CRYBG1: variants seen among roughly 807,000 people sequenced by gnomAD.
CRYBG1 encodes the protein crystallin beta-gamma domain containing 1, also known as beta/gamma crystallin domain-containing protein 1.
A neutral mutation model predicts 189.2 loss-of-function variants in CRYBG1; 139 were observed. The ratio of observed to expected loss-of-function variants is 0.73; its 90% CI spans 0.64 to 0.85. CRYBG1 has a LOEUF of 0.85. Ranked by LOEUF, CRYBG1 falls within the 40% of genes least tolerant of loss-of-function variation. The pLI, the probability that CRYBG1 is intolerant of heterozygous loss-of-function variation, is 0.00. For synonymous variants in CRYBG1, 1,023 were observed against 1,017.1 expected (o/e 1.01, Z -0.11); for missense variants, 2,611 against 2,675.8 (o/e 0.98, Z 0.53).
At chr6:106,408,902 C>T (rs1392531895) in intron 1 of CRYBG1, among the ~76,000 whole-genome samples, 1 of 152,044 alleles carries the variant, frequency 6.6e-6, no homozygotes, top group Admixed American at 6.5e-5. Context: ...TATGACAAAC[C>T]CACAGCCAGT....
chr6:106,565,128 G>C (rs1396102930), intron 21 of CRYBG1, among the ~76,000 whole-genome samples: 2 of 152,010 alleles, frequency 1.3e-5, no homozygotes, highest in African/African-American at 4.8e-5. Flanking sequence ...GACCATCCTG[G>C]CTAACATGGT....
chr6:106,426,884 C>T (rs1771236488), intron 1 of CRYBG1, among the ~76,000 whole-genome samples: 1 of 152,192 alleles, frequency 6.6e-6, no homozygotes, highest in South Asian at 2.1e-4. Context: ...AAGGGGCTGT[C>T]ATTTACTTCC....
intron 2 of CRYBG1, among the ~76,000 whole-genome samples, chr6:106,463,403 G>T (rs950689659): frequency 6.6e-6 from 1 of 152,180 alleles, no homozygotes; most frequent in Non-Finnish European, 1.5e-5. Context: ...CTATTGGATG[G>T]AATGTGTAGA....
intron 2 of CRYBG1, among the ~76,000 whole-genome samples, chr6:106,510,801 T>G (rs1019360446): frequency 8.5e-5 from 13 of 152,246 alleles, no homozygotes; most frequent in African/African-American, 3.1e-4. Flanking sequence ...CTCGGGTGTT[T>G]GAACGCTCGC....
intron 1 of CRYBG1, among the ~76,000 whole-genome samples, chr6:106,385,704 T>G (rs1407468531): frequency 2.0e-5 from 3 of 152,228 alleles, no homozygotes; most frequent in Non-Finnish European, 4.4e-5. Context: ...TCATTAATCC[T>G]CTCTAACAAT....
In CRYBG1 at chr6:106,568,469, TA is replaced by T. The variant is rs1562124164; in HGVS notation, c.6302-2del. On this transcript the variant is annotated splice_acceptor_variant, in intron 21 of 21. Coordinates refer to ENST00000633556, the MANE Select transcript of CRYBG1 (RefSeq NM_001371242.2). LOFTEE classifies it high-confidence loss of function. ...CATCTTTTATTATTTTCCTTTCTTTTAGGGGGCACACAGTATGATCAAAATC... is the reference window on the plus strand; with the variant it reads ...CATCTTTTATTATTTTCCTTTCTTTTGGGGGCACACAGTATGATCAAAATC... 1 of 1,610,564 alleles carries T rather than the reference TA, an allele frequency of 6.2e-7. No homozygotes were observed. Among genetic ancestry groups the T allele is most frequent in the Non-Finnish European group, 8.5e-7 (1 of 1,176,856 alleles).
chr6:106,448,662 G>C (rs1009154683), intron 1 of CRYBG1, among the ~76,000 whole-genome samples: 3 of 152,216 alleles, frequency 2.0e-5, no homozygotes, highest in African/African-American at 7.2e-5. Context: ...TGTAGCAAGT[G>C]TGGGGAACAT....
chr6:106,561,375 A>G lies in CRYBG1; in HGVS notation c.6013A>G (p.Thr2005Ala). The stretch of plus-strand genomic sequence containing the variant: ...TTATTTCAGACTTCGAAACAAAGCA[A>G]CAGGGTTATTCATGTCAACCAATGG... ...RIYFRLRNKA[T>A]GLFMSTNGNL... The change falls in exon 20 of 22, where the codon ACA becomes GCA. Residue 2005 changes from threonine to alanine, a missense_variant. Physicochemically the swap from Thr to Ala is moderately conservative, Grantham distance 58. Transcript: ENST00000633556. 2 of 1,614,120 alleles carry G rather than the reference A, an allele frequency of 1.2e-6. No homozygotes were observed. Among genetic ancestry groups the G allele is most frequent in the Non-Finnish European group, 1.7e-6 (2 of 1,179,976 alleles).
chr6:106,394,235 C>T (rs1409871553), intron 1 of CRYBG1, among the ~76,000 whole-genome samples: 1 of 152,154 alleles, frequency 6.6e-6, no homozygotes, highest in Non-Finnish European at 1.5e-5. Flanking sequence ...TCCTTGTCCT[C>T]TTTACCCTTA....
chr6:106,385,486 C>T (rs1770367863), intron 1 of CRYBG1, among the ~76,000 whole-genome samples: 1 of 152,208 alleles, frequency 6.6e-6, no homozygotes, highest in Non-Finnish European at 1.5e-5. Flanking sequence ...CATGCATATA[C>T]TGACACAAAA....
chr6:106,446,525 T>G (rs548623636), intron 1 of CRYBG1, among the ~76,000 whole-genome samples: 2 of 152,356 alleles, frequency 1.3e-5, no homozygotes, highest in South Asian at 4.1e-4. Context: ...AAACCTAAAC[T>G]TTTATGCTAC....
chr6:106,464,707 A>G (rs994297139), intron 2 of CRYBG1, among the ~76,000 whole-genome samples: 1 of 152,244 alleles, frequency 6.6e-6, no homozygotes, highest in South Asian at 2.1e-4. Flanking sequence ...CATTAAAACC[A>G]GTGCAGAGGA....
At chr6:106,461,336 T>C (rs1772005251) in intron 2 of CRYBG1, among the ~76,000 whole-genome samples, 1 of 152,180 alleles carries the variant, frequency 6.6e-6, no homozygotes, top group South Asian at 2.1e-4. Flanking sequence ...ATATAAGTGG[T>C]AATTACTGTT....
intron 2 of CRYBG1, among the ~76,000 whole-genome samples, chr6:106,475,998 G>T (rs959285012): frequency 6.6e-6 from 1 of 152,150 alleles, no homozygotes; most frequent in Non-Finnish European, 1.5e-5. Context: ...GAGTACCTGT[G>T]TAAGTAGGAT....
intron 2 of CRYBG1, among the ~76,000 whole-genome samples, chr6:106,477,792 T>C (rs1743207662): frequency 6.6e-6 from 1 of 152,234 alleles, no homozygotes; most frequent in Admixed American, 6.5e-5. Flanking sequence ...TCTCTCTGTT[T>C]CTCAGTCTGA....
At chr6:106,552,457 G>A in intron 15 of CRYBG1, 1 of 221,502 alleles carries the variant, frequency 4.5e-6, no homozygotes, top group East Asian at 1.1e-4. Flanking sequence ...GTGGTGGCTT[G>A]TGTCTATAAG....
intron 1 of CRYBG1, among the ~76,000 whole-genome samples, chr6:106,392,592 T>C (rs1447256734): frequency 2.6e-5 from 4 of 152,126 alleles, no homozygotes; most frequent in African/African-American, 9.7e-5. Flanking sequence ...ATCTTGAAAT[T>C]TTGAAAATTA....
At chr6:106,371,822 C>T (rs569110914) in intron 1 of CRYBG1, among the ~76,000 whole-genome samples, 1 of 152,320 alleles carries the variant, frequency 6.6e-6, no homozygotes, top group Admixed American at 6.5e-5. Context: ...TAATGTTACC[C>T]TGTAAAAGGT....
chr6:106,493,610 T>C (rs569305633), intron 2 of CRYBG1, among the ~76,000 whole-genome samples: 2 of 152,242 alleles, frequency 1.3e-5, no homozygotes, highest in East Asian at 1.9e-4. Flanking sequence ...AACAGATAAA[T>C]GGATAAAGAA....
Sources: allele counts gnomAD v4.1 joint callset (sites outside exome capture counted in the v4.1 genomes callset), GRCh38; gene constraint gnomAD v4.1.1; transcripts MANE v1.5; gene names NCBI Gene and HGNC (gene_info 2026-07-23, HGNC 2026-07-21).